The following SELENOI variants were observed in gnomAD, a reference collection of about 807,000 sequenced individuals.
SELENOI encodes ethanolaminephosphotransferase 1.
Under a neutral mutation model 50.7 loss-of-function variants are expected in SELENOI, and 24 were observed. The ratio of observed to expected loss-of-function variants is 0.47; its 90% CI spans 0.34 to 0.67. The LOEUF is 0.67. SELENOI is among the 30% of genes least tolerant of loss of function. SELENOI has a pLI of 0.01. For synonymous variants in SELENOI, 155 were observed against 170.2 expected (o/e 0.91, Z 0.70); for missense variants, 352 against 461.4 (o/e 0.76, Z 2.17).
chr2:26,370,646 G>A (rs1483707465), intron 4 of SELENOI, among the ~76,000 whole-genome samples: 28 of 80,606 alleles, frequency 3.5e-4, no homozygotes, highest in African/African-American at 1.1e-3. Flanking sequence ...AGACGGGGCG[G>A]CTGGCCGGGC....
At chr2:26,347,361 C>T (rs543691742) in intron 1 of SELENOI, among the ~76,000 whole-genome samples, 54 of 151,874 alleles carry the variant, frequency 3.6e-4, no homozygotes, top group African/African-American at 1.3e-3. Context: ...TATGTGCATA[C>T]TAGGCACCCA....
At chr2:26,384,897 T>C in intron 7 of SELENOI, 62 bp from the exon 8 acceptor site, 1 of 1,242,240 alleles carries the variant, frequency 8.0e-7, no homozygotes, top group Non-Finnish European at 1.1e-6. Flanking sequence ...TAAACTACAG[T>C]ACAAGTACTG....
In SELENOI at chr2:26,388,993, G is replaced by A. The variant is rs780214946; in HGVS notation, c.1096-12G>A. 8 of 1,566,154 alleles carry A rather than the reference G, an allele frequency of 5.1e-6. No individual in the cohort carries two copies. In the South Asian group the frequency reaches 9.4e-5, roughly 18 times the overall value. On this transcript the variant is annotated splice_polypyrimidine_tract_variant and intron_variant, in intron 9 of 9. Transcript: ENST00000260585. ...CATATTTGTCACTGTCTCATGTTCT[G>A]ATTTTTCATAGGTAAAGCAGCTGAG...
At chr2:26,360,899 A>G (rs567065326) in intron 1 of SELENOI, among the ~76,000 whole-genome samples, 85 of 152,242 alleles carry the variant, frequency 5.6e-4, no homozygotes, top group African/African-American at 1.9e-3. Context: ...AGTGATATCT[A>G]TTATGGAAAG....
intron 8 of SELENOI, among the ~76,000 whole-genome samples, chr2:26,386,120 T>C (rs2147963404): frequency 6.6e-6 from 1 of 152,292 alleles, no homozygotes; most frequent in Non-Finnish European, 1.5e-5. Context: ...AGCATCCTTA[T>C]TCAGTTATCT....
chr2:26,363,121 A>G lies in SELENOI; in HGVS notation c.58-1181A>G, dbSNP rs548344265. Among the ~76,000 whole-genome samples, 8 of 152,324 alleles carry G rather than the reference A, an allele frequency of 5.3e-5. No homozygotes were observed. The South Asian group carries it at 1.7e-3, about 32-fold the overall frequency. On this transcript the variant is annotated intron_variant, in intron 1 of 9. Coordinates refer to ENST00000260585, the MANE Select transcript of SELENOI (RefSeq NM_033505.4). Reference sequence around the variant, plus strand: ...TTGTCTTCCTGTGCGTGTTTATGCAATTCAGTATCCTGCTATACAGGGATC... The same window carrying G: ...TTGTCTTCCTGTGCGTGTTTATGCAGTTCAGTATCCTGCTATACAGGGATC...
intron 1 of SELENOI, among the ~76,000 whole-genome samples, chr2:26,352,876 T>A: frequency 6.6e-6 from 1 of 150,842 alleles, no homozygotes; most frequent in Non-Finnish European, 1.5e-5. Context: ...TATTGGACTA[T>A]ACTGGCCCTG....
At chr2:26,352,685 G>A (rs1676984559) in intron 1 of SELENOI, among the ~76,000 whole-genome samples, 1 of 152,116 alleles carries the variant, frequency 6.6e-6, no homozygotes, top group Non-Finnish European at 1.5e-5. Flanking sequence ...TTGGGAGGCT[G>A]AGGCAGGAGA....
chr2:26,389,006 T>G lies in SELENOI; in HGVS notation c.1097T>G (p.Val366Gly). The G allele has an allele frequency of 3.8e-6, 6 of 1,579,702 alleles. No homozygotes were observed. The highest frequency in any genetic ancestry group is 5.2e-6 in the Non-Finnish European group (6 of 1,160,982). The change falls in exon 10 of 10, where the codon GTA (valine) becomes GGA (glycine). Residue 366 changes from valine to glycine, a missense_variant and splice_region_variant. Physicochemically the swap from Val to Gly is moderately radical, Grantham distance 109. Coordinates refer to ENST00000260585, the MANE Select transcript of SELENOI (RefSeq NM_033505.4). ...GTCTCATGTTCTGATTTTTCATAGGTAAAGCAGCTGAGCAGCCATTTTCAG... is the reference window on the plus strand; with the variant it reads ...GTCTCATGTTCTGATTTTTCATAGGGAAAGCAGCTGAGCAGCCATTTTCAG... ...LAHIHYGVRV[V>G]KQLSSHFQIY...
intron 1 of SELENOI, among the ~76,000 whole-genome samples, chr2:26,361,774 C>T (rs1677184135): frequency 6.6e-6 from 1 of 152,170 alleles, no homozygotes; most frequent in African/African-American, 2.4e-5. Context: ...CTGCCTCAGC[C>T]TCCCAAGTAC....
intron 1 of SELENOI, 144 bp downstream of exon 1, chr2:26,346,433 C>T (rs1335289402): frequency 9.6e-7 from 1 of 1,039,754 alleles, no homozygotes; most frequent in Non-Finnish European, 1.3e-6. Context: ...CCTGCGGGTC[C>T]TGGGGATTGG....
intron 6 of SELENOI, among the ~76,000 whole-genome samples, chr2:26,375,386 A>G (rs1170159982): frequency 1.3e-5 from 2 of 152,238 alleles, no homozygotes; most frequent in African/African-American, 4.8e-5. Context: ...AAAATAGATC[A>G]CATAAGCCTG....
intron 1 of SELENOI, among the ~76,000 whole-genome samples, chr2:26,353,267 CCA>C (rs2147944059): frequency 6.6e-6 from 1 of 152,116 alleles, no homozygotes; most frequent in East Asian, 1.9e-4. Context: ...TTGGATGGGA[CCA>C]CATGAAAGTG....
At chr2:26,363,081 T>A (rs145232324) in intron 1 of SELENOI, among the ~76,000 whole-genome samples, 83 of 152,360 alleles carry the variant, frequency 5.4e-4, no homozygotes, top group Middle Eastern at 3.4e-3. Context: ...CCTTACCGTA[T>A]GACCCTAACC....
chr2:26,355,038 C>A (rs1270819082), intron 1 of SELENOI, among the ~76,000 whole-genome samples: 1 of 152,218 alleles, frequency 6.6e-6, no homozygotes, highest in African/African-American at 2.4e-5. Flanking sequence ...CAGGTTTCCT[C>A]ATCTGTGAAA....
chr2:26,361,399 A>G (rs1677174407), intron 1 of SELENOI, among the ~76,000 whole-genome samples: 1 of 152,262 alleles, frequency 6.6e-6, no homozygotes, highest in Non-Finnish European at 1.5e-5. Context: ...AGTGATTAAC[A>G]ACAACAACTA....
chr2:26,362,446 T>G lies in SELENOI; in HGVS notation c.58-1856T>G, dbSNP rs140642625. 1.6e-3 allele frequency among the ~76,000 whole-genome samples: 251 copies of G among 152,330 alleles called. 1 individual carries two copies. Among genetic ancestry groups the G allele is most frequent in the African/African-American group, 5.8e-3 (242 of 41,578 alleles). ...ATGATTACTACTTATTTTGTATACA[T>G]ACTGAACACACATAGAAAATATAAG... On this transcript the variant is annotated intron_variant, in intron 1 of 9. Transcript: ENST00000260585.
rs1408511476 is a variant in SELENOI, at chr2:26,391,045, A to G, written c.*1942A>G. 2 of 139,836 alleles carry G rather than the reference A, an allele frequency of 1.4e-5. No homozygotes were observed. Among genetic ancestry groups the G allele is most frequent in the Non-Finnish European group, 3.1e-5 (2 of 65,276 alleles). 8.7% of individuals were successfully genotyped at this position (139,836 alleles called of 1,614,324 possible). On this transcript the variant is annotated 3_prime_UTR_variant, in exon 10 of 10. Coordinates refer to ENST00000260585, the MANE Select transcript of SELENOI (RefSeq NM_033505.4). ...ACCACAGGCTTTCTTGACCTTGTACAGTATAGTAAAAATACCCTTTACTTC... is the reference window on the plus strand; with the variant it reads ...ACCACAGGCTTTCTTGACCTTGTACGGTATAGTAAAAATACCCTTTACTTC...
At position 26,395,722 on chromosome 2, in the gene SELENOI, A is replaced by G. The variant is rs1052844188; in HGVS notation, c.*6619A>G. On this transcript the variant is annotated 3_prime_UTR_variant, in exon 10 of 10. Coordinates refer to ENST00000260585, the MANE Select transcript of SELENOI (RefSeq NM_033505.4). ...AATCAAGACCAGACTGTTTCTTGTC[A>G]CTGGATTCTGGAAGCCTTGCCCTTT... 17 of 152,592 alleles carry G rather than the reference A, an allele frequency of 1.1e-4. No homozygotes were observed. The highest frequency in any genetic ancestry group is 3.6e-4 in the African/African-American group (15 of 41,442). The allele number at this position is 152,592 out of a possible 1,614,324, so 9.5% of individuals were successfully genotyped here. A position where few individuals can be genotyped will look rare whatever the true frequency, so the allele number is the denominator to read the frequency against.
Sources: allele counts gnomAD v4.1 joint callset (sites outside exome capture counted in the v4.1 genomes callset), GRCh38; gene constraint gnomAD v4.1.1; transcripts MANE v1.5; gene names NCBI Gene and HGNC (gene_info 2026-07-23, HGNC 2026-07-21).